Variants in DOCK3 observed in about 807,000 individuals in gnomAD.
DOCK3 encodes the protein dedicator of cytokinesis protein 3.
A neutral mutation model predicts 265.6 loss-of-function variants in DOCK3; 60 were observed. That is an observed-to-expected ratio of 0.23 (90% confidence interval 0.18 to 0.28). The LOEUF (loss-of-function observed/expected upper bound fraction) is 0.28. DOCK3 is among the 10% of genes least tolerant of loss of function. The probability of loss-of-function intolerance (pLI) is 1.00; values close to 1 mark genes in which losing one functional copy is unlikely to be tolerated. For synonymous variants in DOCK3, 881 were observed against 938.0 expected, an observed-to-expected ratio of 0.94 and a Z score of 1.11; for missense variants, 1,981 against 2,594.3, an observed-to-expected ratio of 0.76 and a Z score of 5.14.
intron 3 of DOCK3, among the ~76,000 whole-genome samples, chr3:50,881,861 G>A (rs78956898): frequency 0.099 from 15,083 of 152,048 alleles, 928 homozygotes; most frequent in Non-Finnish European, 0.13. Flanking sequence ...CCTTATTTCA[G>A]ACTATACTAC....
chr3:50,732,660 C>T (rs1029946811), intron 1 of DOCK3, among the ~76,000 whole-genome samples: 2 of 152,150 alleles, frequency 1.3e-5, no homozygotes, highest in Non-Finnish European at 2.9e-5. Flanking sequence ...ATCCTCCCAC[C>T]TCCGCCTCCC....
intron 9 of DOCK3, among the ~76,000 whole-genome samples, chr3:51,134,334 T>C (rs1322922558): frequency 6.6e-6 from 1 of 152,190 alleles, no homozygotes; most frequent in Non-Finnish European, 1.5e-5. Context: ...TTCTGTTTTC[T>C]GAAGACCTGA....
At chr3:51,316,053 T>C (rs1394855211) in intron 32 of DOCK3, among the ~76,000 whole-genome samples, 1 of 152,240 alleles carries the variant, frequency 6.6e-6, no homozygotes, top group Admixed American at 6.5e-5. Flanking sequence ...TTTACAGTTC[T>C]ATGTGTTTTG....
At chr3:50,966,013 C>G (rs1298192029) in intron 5 of DOCK3, among the ~76,000 whole-genome samples, 1 of 129,918 alleles carries the variant, frequency 7.7e-6, no homozygotes, top group Non-Finnish European at 1.6e-5. Flanking sequence ...CCATTCTACT[C>G]TCTGTTTCTA....
In DOCK3 at chr3:50,759,692, T is replaced by A. The variant is rs1185248158; in HGVS notation, c.38-18983T>A. Among the ~76,000 whole-genome samples the A allele has an allele frequency of 4.5e-4, 52 of 115,670 alleles. 1 individual carries two copies. Among genetic ancestry groups the A allele is most frequent in the South Asian group, 2.8e-3 (10 of 3,602 alleles). 75.9% of individuals were successfully genotyped at this position (115,670 alleles called of 152,430 possible). A position where few individuals can be genotyped will look rare whatever the true frequency, so the allele number is the denominator to read the frequency against. On this transcript the variant is annotated intron_variant, in intron 1 of 52. Coordinates refer to ENST00000266037, the MANE Select transcript of DOCK3 (RefSeq NM_004947.5). ...TCTCTAAAAAAAAAAAAAAAAAAAA[T>A]GGAAAAAATTAGCTGGGCATGGTGG...
chr3:51,321,680 A>G (rs1016224519), intron 32 of DOCK3, among the ~76,000 whole-genome samples: 1 of 152,180 alleles, frequency 6.6e-6, no homozygotes, highest in Non-Finnish European at 1.5e-5. Flanking sequence ...TATATGAAGC[A>G]TGCACAAGTA....
chr3:51,154,288 C>T (rs1318907533), intron 10 of DOCK3, among the ~76,000 whole-genome samples: 3 of 152,096 alleles, frequency 2.0e-5, no homozygotes, highest in Non-Finnish European at 4.4e-5. Flanking sequence ...ATATGTTGTC[C>T]ATCTTTGAGC....
chr3:51,237,379 G>T, intron 20 of DOCK3, 111 bp from the exon 21 acceptor site: 1 of 830,540 alleles, frequency 1.2e-6, no homozygotes, highest in East Asian at 2.7e-5. Context: ...GAATGCTAGA[G>T]GACAGCACTG....
Position 51,025,992 on chromosome 3 carries a change from T to C in DOCK3, c.316-38456T>C, listed in dbSNP as rs569044181. ...AGTAGGCTGCAGCCTGCCATTTGTT[T>C]CAAAGGGTCTGTAGATTCTTTTGAT... On this transcript the variant is annotated intron_variant, in intron 5 of 52. Transcript: ENST00000266037. 1.7e-4 allele frequency among the ~76,000 whole-genome samples: 26 copies of C among 152,208 alleles called. No homozygotes were observed. The East Asian group carries it at 4.3e-3, about 25-fold the overall frequency.
intron 10 of DOCK3, among the ~76,000 whole-genome samples, chr3:51,157,847 C>T (rs932321349): frequency 3.4e-5 from 5 of 149,144 alleles, no homozygotes; most frequent in African/African-American, 7.4e-5. Context: ...TTGCCCAGGC[C>T]GGACTGCAGT....
intron 27 of DOCK3, 92 bp from the exon 28 acceptor site, chr3:51,310,140 A>G (rs1053618269): frequency 3.3e-5 from 31 of 943,284 alleles, no homozygotes; most frequent in South Asian, 3.3e-4. Context: ...GGTCCCACCC[A>G]TTGTCATGAT....
At chr3:50,704,618 A>C (rs78758310) in intron 1 of DOCK3, among the ~76,000 whole-genome samples, 3,739 of 132,584 alleles carry the variant, frequency 0.028, 178 homozygotes, top group African/African-American at 0.097. Flanking sequence ...CATTTCTTGT[A>C]GGCAGCATTT....
At chr3:50,978,195 G>C (rs577079294) in intron 5 of DOCK3, among the ~76,000 whole-genome samples, 2 of 150,294 alleles carry the variant, frequency 1.3e-5, no homozygotes, top group Admixed American at 1.3e-4. Context: ...GAGGAACTGC[G>C]TTCCTTTGGA....
chr3:51,329,342 T>C (rs2084364378), intron 32 of DOCK3, among the ~76,000 whole-genome samples: 1 of 152,114 alleles, frequency 6.6e-6, no homozygotes. Context: ...CCATGGCACA[T>C]GCTTACCCAC....
At chr3:51,193,334 A>G (rs1180677519) in intron 12 of DOCK3, among the ~76,000 whole-genome samples, 2 of 152,040 alleles carry the variant, frequency 1.3e-5, no homozygotes, top group East Asian at 3.8e-4. Flanking sequence ...TTTGTTTAGG[A>G]TGTTAGCATC....
rs2086229869 is a variant in DOCK3, at chr3:51,354,507, C to G, written c.4108-375C>G. Among the ~76,000 whole-genome samples, 3 of 152,174 alleles carry G rather than the reference C, an allele frequency of 2.0e-5. No individual in the cohort carries two copies. The South Asian group carries it at 6.2e-4, about 32-fold the overall frequency. On this transcript the variant is annotated intron_variant, in intron 40 of 52. Transcript: ENST00000266037. ...GTTGTTGCCCTGGTTGTCACGGTACCCACATAGATTGCCCTTCTCCACTCA... is the reference window on the plus strand; with the variant it reads ...GTTGTTGCCCTGGTTGTCACGGTACGCACATAGATTGCCCTTCTCCACTCA...
intron 14 of DOCK3, among the ~76,000 whole-genome samples, chr3:51,221,033 A>G (rs1469415336): frequency 6.6e-6 from 1 of 152,014 alleles, no homozygotes; most frequent in African/African-American, 2.4e-5. Context: ...AAATCTGCAA[A>G]CACATCATGA....
chr3:51,283,925 G>T (rs988624558), intron 27 of DOCK3, among the ~76,000 whole-genome samples: 3 of 152,168 alleles, frequency 2.0e-5, no homozygotes, highest in African/African-American at 7.2e-5. Flanking sequence ...CAGTTCCTCT[G>T]TTTCTCCCTG....
Position 51,375,854 on chromosome 3 carries a change from C to T in DOCK3, c.5500+19C>T. Reference sequence around the variant, plus strand: ...GAAAAAGGTATTGTTGCCCAGGTGGCCTTCCCCCCATGTCTGTCCCCATCC... The same window carrying T: ...GAAAAAGGTATTGTTGCCCAGGTGGTCTTCCCCCCATGTCTGTCCCCATCC... On this transcript the variant is annotated intron_variant, in intron 51 of 52. Transcript: ENST00000266037. 6.2e-7 allele frequency: 1 copy of T among 1,613,618 alleles called. No homozygotes were observed. The highest frequency in any genetic ancestry group is 8.5e-7 in the Non-Finnish European group (1 of 1,179,586).
Sources: allele counts gnomAD v4.1 joint callset (sites outside exome capture counted in the v4.1 genomes callset), GRCh38; gene constraint gnomAD v4.1.1; transcripts MANE v1.5; gene names NCBI Gene and HGNC (gene_info 2026-07-23, HGNC 2026-07-21).